Variants in GRIN3A observed in about 807,000 individuals in gnomAD.
GRIN3A encodes glutamate receptor ionotropic, NMDA 3A.
GRIN3A carries 47 observed loss-of-function variants against 92.4 expected under a neutral mutation model. That is an observed-to-expected ratio of 0.51 (90% CI 0.40 to 0.65). The LOEUF (loss-of-function observed/expected upper bound fraction) is 0.65. Ranked by LOEUF, GRIN3A falls within the 30% of genes least tolerant of loss-of-function variation. The pLI is 0.00. For missense variants in GRIN3A, 1,324 were observed against 1,393.1 expected (o/e 0.95, Z 0.79); for synonymous variants, 527 against 540.6 (o/e 0.97, Z 0.35).
intron 7 of GRIN3A, 107 bp from the exon 8 acceptor site, chr9:101,577,951 G>A: frequency 1.2e-6 from 1 of 817,632 alleles, no homozygotes; most frequent in Non-Finnish European, 2.1e-6. Flanking sequence ...ACAAACCTTG[G>A]CCTCTTTAAA....
rs113232128 is a variant in GRIN3A, at chr9:101,603,356, G to A, written c.2766+10020C>T. Among the ~76,000 whole-genome samples the A allele has an allele frequency of 4.0e-4, 61 of 152,184 alleles. 2 individuals are homozygous for A. The highest frequency in any genetic ancestry group is 1.3e-3 in the African/African-American group (56 of 41,500). ...ATGGTTCTATAATCAGGGAAGGAGAGAACATTTGTCAAGCCAGGTGTTCGC... is the reference window on the plus strand; with the variant it reads ...ATGGTTCTATAATCAGGGAAGGAGAAAACATTTGTCAAGCCAGGTGTTCGC... On this transcript the variant is annotated intron_variant, in intron 6 of 8. Transcript: ENST00000361820.
intron 8 of GRIN3A, among the ~76,000 whole-genome samples, chr9:101,575,954 A>C (rs1827820569): frequency 6.6e-6 from 1 of 152,214 alleles, no homozygotes; most frequent in South Asian, 2.1e-4. Context: ...ATAATATAGA[A>C]GAATAAACAA....
At chr9:101,723,038 T>C (rs1229098722) in intron 1 of GRIN3A, among the ~76,000 whole-genome samples, 3 of 152,180 alleles carry the variant, frequency 2.0e-5, no homozygotes, top group Admixed American at 1.3e-4. Context: ...TGTATCTTCC[T>C]GGATTCCCAT....
intron 1 of GRIN3A, among the ~76,000 whole-genome samples, chr9:101,719,145 G>A (rs761716553): frequency 3.9e-5 from 6 of 152,086 alleles, no homozygotes; most frequent in Non-Finnish European, 7.4e-5. Flanking sequence ...TGGGCCGGGC[G>A]CAGTGGCTCA....
chr9:101,573,188 T>G lies in GRIN3A; in HGVS notation c.3334A>C (p.Thr1112Pro), dbSNP rs200961588. The stretch of plus-strand genomic sequence containing the variant: ...AGTGTGGTCACCTAGGACTCACAAG[T>G]CCGACTTGTCCTTTGATACTCCTCC... ...ELEEYQRTSRTCES is the reference protein window; with the variant it reads ...ELEEYQRTSRPCES Residue 1112 changes from threonine (T) to proline (P), a missense_variant, in exon 9 of 9, where the codon ACT becomes CCT. Physicochemically the swap from Thr to Pro is conservative, Grantham distance 38 (BLOSUM62 -1). Transcript: ENST00000361820. 6.8e-6 allele frequency: 11 copies of G among 1,613,896 alleles called. No individual in the cohort carries two copies. The Admixed American group carries it at 1.7e-4, about 24-fold the overall frequency.
At chr9:101,631,970 C>G (rs1262251706) in intron 3 of GRIN3A, among the ~76,000 whole-genome samples, 1 of 152,192 alleles carries the variant, frequency 6.6e-6, no homozygotes, top group Non-Finnish European at 1.5e-5. Context: ...CAATGGCTCC[C>G]CCATGGCCCT....
intron 2 of GRIN3A, among the ~76,000 whole-genome samples, chr9:101,685,559 A>G (rs1018684767): frequency 2.0e-5 from 3 of 151,916 alleles, no homozygotes; most frequent in Non-Finnish European, 2.9e-5. Flanking sequence ...CTAATGAAAT[A>G]TCCTTTAAGG....
intron 6 of GRIN3A, among the ~76,000 whole-genome samples, chr9:101,583,228 A>G (rs571851083): frequency 6.6e-6 from 1 of 152,284 alleles, no homozygotes; most frequent in East Asian, 1.9e-4. Context: ...CTTCTCAAAC[A>G]ATCGCCATTT....
chr9:101,577,247 A>G (rs948166926), intron 8 of GRIN3A, among the ~76,000 whole-genome samples: 1 of 152,196 alleles, frequency 6.6e-6, no homozygotes, highest in Non-Finnish European at 1.5e-5. Flanking sequence ...GAATGCTAGA[A>G]AGGAGTAGGG....
At chr9:101,631,962 A>G (rs182161303) in intron 3 of GRIN3A, among the ~76,000 whole-genome samples, 100 of 152,202 alleles carry the variant, frequency 6.6e-4, no homozygotes, top group African/African-American at 1.9e-3. Context: ...ATGCCCATCA[A>G]TGGCTCCCCC....
intron 1 of GRIN3A, among the ~76,000 whole-genome samples, chr9:101,693,012 C>T (rs1344839358): frequency 6.6e-6 from 1 of 151,996 alleles, no homozygotes; most frequent in Non-Finnish European, 1.5e-5. Flanking sequence ...CTCACAATGG[C>T]CTCATGAGGT....
At chr9:101,734,344 G>A (rs1287003686) in intron 1 of GRIN3A, among the ~76,000 whole-genome samples, 3 of 152,202 alleles carry the variant, frequency 2.0e-5, no homozygotes, top group Non-Finnish European at 1.5e-5. Context: ...AAATGGGTTA[G>A]CCTCAAGTGG....
intron 6 of GRIN3A, among the ~76,000 whole-genome samples, chr9:101,580,308 T>C (rs189097632): frequency 6.6e-6 from 1 of 152,294 alleles, no homozygotes; most frequent in Non-Finnish European, 1.5e-5. Context: ...GCCAAATTTA[T>C]GAAGCTCATG....
intron 3 of GRIN3A, among the ~76,000 whole-genome samples, chr9:101,665,872 G>A (rs1452871225): frequency 6.6e-6 from 1 of 151,962 alleles, no homozygotes; most frequent in African/African-American, 2.4e-5. Context: ...CAACTTAATA[G>A]TTTCATCAGA....
chr9:101,614,289 A>G (rs868834581), intron 5 of GRIN3A, among the ~76,000 whole-genome samples: 1 of 152,232 alleles, frequency 6.6e-6, no homozygotes, highest in Non-Finnish European at 1.5e-5. Flanking sequence ...CGCCACAAGC[A>G]TATCAGGAGA....
intron 6 of GRIN3A, among the ~76,000 whole-genome samples, chr9:101,610,619 A>G (rs3858068): frequency 0.037 from 5,604 of 150,574 alleles, 132 homozygotes; most frequent in Non-Finnish European, 0.047. Flanking sequence ...CTATCTATCT[A>G]TCTATCATCT....
At chr9:101,611,718 C>A (rs1388481549) in intron 6 of GRIN3A, among the ~76,000 whole-genome samples, 1 of 152,136 alleles carries the variant, frequency 6.6e-6, no homozygotes, top group Non-Finnish European at 1.5e-5. Context: ...TGAAGGGACA[C>A]ACTAAAACAA....
chr9:101,702,702 C>T (rs374601691), intron 1 of GRIN3A, among the ~76,000 whole-genome samples: 7 of 152,134 alleles, frequency 4.6e-5, no homozygotes, highest in Non-Finnish European at 8.8e-5. Context: ...CTTGATATCT[C>T]CTTTAGGGTT....
chr9:101,609,986 A>C lies in GRIN3A; in HGVS notation c.2766+3390T>G, dbSNP rs1445377785. On this transcript the variant is annotated intron_variant, in intron 6 of 8. Transcript: ENST00000361820. ...AGCACTGGAATTACAGGCATGAGCC[A>C]CTGCACCCAGCCTTGTCTTGCTGTC... Among the ~76,000 whole-genome samples the C allele has an allele frequency of 3.3e-5, 5 of 152,244 alleles. No homozygotes were observed. In the East Asian group the frequency reaches 9.6e-4, roughly 29 times the overall value.
Sources: gnomAD v4.1 joint callset for allele counts (sites outside exome capture counted in the v4.1 genomes callset) on GRCh38, gnomAD v4.1.1 for gene constraint, MANE v1.5 for transcripts, NCBI Gene and HGNC (gene_info 2026-07-23, HGNC 2026-07-21) for gene names.